The following PCDH15 variants were observed in gnomAD, a reference collection of about 807,000 sequenced individuals.
The protein encoded by PCDH15 is protocadherin related 15, also known as protocadherin-15.
A neutral mutation model predicts 178.5 loss-of-function variants in PCDH15; 129 were observed. That is an observed-to-expected ratio of 0.72 (90% CI 0.63 to 0.84). PCDH15 has a LOEUF of 0.84. PCDH15 is among the 40% of genes least tolerant of loss of function. The pLI is 0.00. For missense variants in PCDH15, 2,230 were observed against 2,099.9 expected, an observed-to-expected ratio of 1.06 and a Z score of -1.21; for synonymous variants, 800 against 732.0, an observed-to-expected ratio of 1.09 and a Z score of -1.50.
At chr10:54,191,578 C>A (rs1290666611) in intron 11 of PCDH15, among the ~76,000 whole-genome samples, 4 of 151,988 alleles carry the variant, frequency 2.6e-5, no homozygotes, top group African/African-American at 9.7e-5. Context: ...ATTGTGTGAG[C>A]TTAAATTTTC....
chr10:55,563,135 G>T (rs10465984), intron 2 of PCDH15, among the ~76,000 whole-genome samples: 50,896 of 151,538 alleles, frequency 0.34, 8,866 homozygotes, highest in East Asian at 0.49. Context: ...AAGGATCTGT[G>T]CTGTCATGGT....
chr10:55,117,433 A>C (rs2132062347), intron 2 of PCDH15, among the ~76,000 whole-genome samples: 1 of 152,320 alleles, frequency 6.6e-6, no homozygotes, highest in East Asian at 1.9e-4. Flanking sequence ...CATAGGCCAA[A>C]GGAAAACAAG....
chr10:53,871,736 T>TTTTGC (rs2079875393), intron 26 of PCDH15, among the ~76,000 whole-genome samples: 1 of 151,020 alleles, frequency 6.6e-6, no homozygotes, highest in Non-Finnish European at 1.5e-5. Context: ...TTTTGTTTTG[T>TTTTGC]TTTGTTTTGT....
chr10:54,658,078 C>G (rs7084730), intron 2 of PCDH15, among the ~76,000 whole-genome samples: 96,911 of 151,894 alleles, frequency 0.64, 31,636 homozygotes, highest in African/African-American at 0.77. Context: ...AACCCTGTCA[C>G]ACAAATATAA....
chr10:55,333,367 CT>C (rs1174209253), intron 2 of PCDH15, among the ~76,000 whole-genome samples: 1 of 150,810 alleles, frequency 6.6e-6, no homozygotes, highest in Non-Finnish European at 1.5e-5. Context: ...TACAAATCAT[CT>C]TTTTTTTGGT....
chr10:55,152,044 G>A (rs1365097142), intron 2 of PCDH15, among the ~76,000 whole-genome samples: 2 of 152,030 alleles, frequency 1.3e-5, no homozygotes, highest in Non-Finnish European at 2.9e-5. Context: ...GATGGTAAAA[G>A]AGTCATTCCA....
intron 25 of PCDH15, among the ~76,000 whole-genome samples, chr10:53,905,933 CA>C (rs2082650639): frequency 6.6e-6 from 1 of 151,946 alleles, no homozygotes; most frequent in South Asian, 2.1e-4. Flanking sequence ...GAATACTTCA[CA>C]ACCAGCACAC....
intron 6 of PCDH15, among the ~76,000 whole-genome samples, chr10:54,341,487 T>A (rs916323618): frequency 6.6e-6 from 1 of 152,192 alleles, no homozygotes; most frequent in African/African-American, 2.4e-5. Context: ...TTAAACCTCC[T>A]TTCTTTGTAA....
chr10:54,209,481 G>A (rs1235525578), intron 10 of PCDH15, among the ~76,000 whole-genome samples: 3 of 152,202 alleles, frequency 2.0e-5, no homozygotes, highest in South Asian at 2.1e-4. Context: ...GGGAACATAC[G>A]AGAGAAGAGA....
chr10:55,480,132 T>G (rs1840147949), intron 2 of PCDH15, among the ~76,000 whole-genome samples: 1 of 151,636 alleles, frequency 6.6e-6, no homozygotes, highest in Non-Finnish European at 1.5e-5. Flanking sequence ...CCTATGATCA[T>G]GGAATGTTTT....
At chr10:54,277,729 C>A in intron 8 of PCDH15, among the ~76,000 whole-genome samples, 1 of 151,378 alleles carries the variant, frequency 6.6e-6, no homozygotes, top group Non-Finnish European at 1.5e-5. Flanking sequence ...TTTAACAAGA[C>A]TTTATAAGGG....
intron 1 of PCDH15, among the ~76,000 whole-genome samples, chr10:55,273,779 G>A (rs1443262903): frequency 2.6e-5 from 4 of 152,060 alleles, no homozygotes; most frequent in South Asian, 2.1e-4. Flanking sequence ...ATATTCTCAC[G>A]TACTTGAGGA....
chr10:54,662,400 C>T (rs544206491), intron 2 of PCDH15, among the ~76,000 whole-genome samples: 1 of 151,924 alleles, frequency 6.6e-6, no homozygotes, highest in Non-Finnish European at 1.5e-5. Flanking sequence ...TATATATCCT[C>T]AAATTCAAAA....
At chr10:54,101,379 G>A (rs2094809441) in intron 15 of PCDH15, among the ~76,000 whole-genome samples, 2 of 152,074 alleles carry the variant, frequency 1.3e-5, no homozygotes, top group South Asian at 4.2e-4. Context: ...GGTGGGGAGG[G>A]GAACATAAAT....
chr10:54,747,005 C>T (rs1007817823), intron 1 of PCDH15, among the ~76,000 whole-genome samples: 2 of 152,122 alleles, frequency 1.3e-5, no homozygotes, highest in Non-Finnish European at 2.9e-5. Flanking sequence ...GGTGTAACAC[C>T]ACTGTAGGTC....
intron 25 of PCDH15, among the ~76,000 whole-genome samples, chr10:53,916,287 A>C (rs2133829628): frequency 6.6e-6 from 1 of 152,320 alleles, no homozygotes; most frequent in East Asian, 1.9e-4. Context: ...AATAATCAGG[A>C]AAAAACAGTA....
chr10:54,856,360 C>G (rs955644516), intron 3 of PCDH15, among the ~76,000 whole-genome samples: 11 of 152,118 alleles, frequency 7.2e-5, no homozygotes, highest in Non-Finnish European at 1.2e-4. Flanking sequence ...CTTTCTAACT[C>G]AGGAAGCAGT....
chr10:54,854,389 C>T (rs1953697740), intron 3 of PCDH15, among the ~76,000 whole-genome samples: 1 of 152,208 alleles, frequency 6.6e-6, no homozygotes, highest in Non-Finnish European at 1.5e-5. Flanking sequence ...TTTTAGCCTC[C>T]TTTGCTCCTT....
At chr10:53,824,820 G>A (rs561251080) in intron 32 of PCDH15, among the ~76,000 whole-genome samples, 1 of 151,612 alleles carries the variant, frequency 6.6e-6, no homozygotes, top group African/African-American at 2.4e-5. Context: ...CTATAAATAG[G>A]TTTCTATTTA....
Sources: allele counts gnomAD v4.1 joint callset (sites outside exome capture counted in the v4.1 genomes callset), GRCh38; gene constraint gnomAD v4.1.1; transcripts MANE v1.5; gene names NCBI Gene and HGNC (gene_info 2026-07-23, HGNC 2026-07-21).